Variants in FAF1 observed in about 807,000 individuals in gnomAD.
The protein encoded by FAF1 is FAS-associated factor 1.
In FAF1, 25 loss-of-function variants were observed where a neutral mutation model predicts 92.5. That is an observed-to-expected ratio of 0.27 (90% confidence interval 0.20 to 0.38). The LOEUF (loss-of-function observed/expected upper bound fraction) is 0.38. Among genes scored for constraint, FAF1 ranks in the 10% least tolerant of loss-of-function variants. The pLI, the probability that FAF1 is intolerant of heterozygous loss-of-function variation, is 1.00. For synonymous variants in FAF1, 234 were observed against 273.2 expected, an observed-to-expected ratio of 0.86 and a Z score of 1.42; for missense variants, 636 against 793.3, an observed-to-expected ratio of 0.80 and a Z score of 2.38.
chr1:50,627,246 A>C (rs982589655), intron 8 of FAF1, among the ~76,000 whole-genome samples: 6 of 152,166 alleles, frequency 3.9e-5, no homozygotes, highest in Non-Finnish European at 7.4e-5. Context: ...AGACATGAGT[A>C]CATGGAACTG....
chr1:50,893,178 G>C (rs1644732776), intron 1 of FAF1, among the ~76,000 whole-genome samples: 1 of 152,092 alleles, frequency 6.6e-6, no homozygotes, highest in Non-Finnish European at 1.5e-5. Flanking sequence ...CTCCAGGATT[G>C]GTCCCTGGTG....
chr1:50,927,508 C>T (rs1645015540), intron 1 of FAF1, among the ~76,000 whole-genome samples: 1 of 152,096 alleles, frequency 6.6e-6, no homozygotes, highest in Non-Finnish European at 1.5e-5. Context: ...CAAGATGGCA[C>T]TCTGCCTGGG....
intron 18 of FAF1, among the ~76,000 whole-genome samples, chr1:50,468,333 C>G (rs1646525404): frequency 1.3e-5 from 2 of 152,058 alleles, no homozygotes; most frequent in African/African-American, 4.8e-5. Flanking sequence ...TGCTCTGTCT[C>G]CCAGGCTAGA....
intron 1 of FAF1, among the ~76,000 whole-genome samples, chr1:50,861,009 C>T (rs181155720): frequency 5.9e-5 from 9 of 151,952 alleles, no homozygotes; most frequent in Admixed American, 2.6e-4. Context: ...CATTTTCTCA[C>T]TTATAAGTGA....
Position 50,617,062 on chromosome 1 carries a change from T to C in FAF1, c.745-20846A>G, listed in dbSNP as rs184390989. Among the ~76,000 whole-genome samples the C allele has an allele frequency of 2.6e-5, 4 of 152,352 alleles. No homozygotes were observed. The East Asian group carries it at 7.7e-4, about 29-fold the overall frequency. On this transcript the variant is annotated intron_variant, in intron 8 of 18. Coordinates refer to ENST00000396153, the MANE Select transcript of FAF1 (RefSeq NM_007051.3). ...TTCTGGCAGAGTCCTTAGGGTTTTC[T>C]AGGTATAGAATCATATCATCAGCAA...
chr1:50,892,684 T>G (rs1355380450), intron 1 of FAF1, among the ~76,000 whole-genome samples: 4 of 152,246 alleles, frequency 2.6e-5, no homozygotes, highest in Non-Finnish European at 5.9e-5. Context: ...TTGAATCAGC[T>G]TGGTGTTCTA....
At chr1:50,534,480 A>C (rs1199240896) in intron 15 of FAF1, among the ~76,000 whole-genome samples, 1 of 151,982 alleles carries the variant, frequency 6.6e-6, no homozygotes, top group Non-Finnish European at 1.5e-5. Flanking sequence ...ATGGGGTTTC[A>C]CCATGTTGGC....
intron 8 of FAF1, among the ~76,000 whole-genome samples, chr1:50,636,379 C>CTTTTTT (rs1213567555): frequency 2.9e-4 from 23 of 79,884 alleles, no homozygotes; most frequent in Non-Finnish European, 3.4e-4. Flanking sequence ...GGGGCGTGTC[C>CTTTTTT]TTTTTTTTTT....
intron 17 of FAF1, among the ~76,000 whole-genome samples, chr1:50,483,552 G>A (rs957438723): frequency 1.3e-5 from 2 of 152,106 alleles, no homozygotes; most frequent in African/African-American, 2.4e-5. Context: ...AAGAATTCAG[G>A]TTTTATTTTG....
At chr1:50,879,074 C>T (rs957397511) in intron 1 of FAF1, among the ~76,000 whole-genome samples, 7 of 152,040 alleles carry the variant, frequency 4.6e-5, no homozygotes, top group Admixed American at 1.3e-4. Flanking sequence ...GGTGAAACCC[C>T]GTCTCTCCTA....
intron 4 of FAF1, among the ~76,000 whole-genome samples, chr1:50,763,772 A>G (rs936971914): frequency 2.0e-5 from 3 of 152,210 alleles, no homozygotes; most frequent in Non-Finnish European, 4.4e-5. Flanking sequence ...AAGTGAACCA[A>G]TATTTTCCAA....
Position 50,467,477 on chromosome 1 carries a change from C to T in FAF1, c.1869+7987G>A, listed in dbSNP as rs150716305. Among the ~76,000 whole-genome samples the T allele has an allele frequency of 6.6e-3, 1,010 of 152,168 alleles. 14 individuals carry two copies. Among genetic ancestry groups the T allele is most frequent in the African/African-American group, 0.023 (943 of 41,514 alleles). On this transcript the variant is annotated intron_variant, in intron 18 of 18. Coordinates refer to ENST00000396153, the MANE Select transcript of FAF1 (RefSeq NM_007051.3). ...CACAGGCATGTGCCACCATGCCTGG[C>T]TAATTTTTTGTATTTTTAGTAGAGG...
chr1:50,503,681 G>A (rs1237876973), intron 15 of FAF1, among the ~76,000 whole-genome samples: 1 of 151,722 alleles, frequency 6.6e-6, no homozygotes, highest in Non-Finnish European at 1.5e-5. Flanking sequence ...GTATATCCAT[G>A]TGGTGGAATA....
intron 7 of FAF1, among the ~76,000 whole-genome samples, chr1:50,692,425 C>A (rs574948119): frequency 6.1e-4 from 93 of 152,052 alleles, no homozygotes; most frequent in African/African-American, 2.2e-3. Flanking sequence ...ATCCTTTGAC[C>A]AACATCTCCG....
chr1:50,720,960 A>G lies in FAF1; in HGVS notation c.552-15069T>C, dbSNP rs1183745799. Among the ~76,000 whole-genome samples the G allele has an allele frequency of 2.6e-5, 4 of 152,244 alleles. No individual in the cohort carries two copies. The East Asian group carries it at 7.7e-4, about 29-fold the overall frequency. The stretch of plus-strand genomic sequence containing the variant: ...AGCTCAGGATGCCATATAAGTTTCA[A>G]TCATTTGATCATTCTTCGAGTCTCA... On this transcript the variant is annotated intron_variant, in intron 6 of 18. Transcript: ENST00000396153.
intron 18 of FAF1, among the ~76,000 whole-genome samples, chr1:50,448,647 G>A (rs1469024272): frequency 6.6e-6 from 1 of 152,176 alleles, no homozygotes; most frequent in African/African-American, 2.4e-5. Flanking sequence ...CATGGACTGA[G>A]TGGGCAAGTC....
chr1:50,872,286 G>A (rs1644535364), intron 1 of FAF1, among the ~76,000 whole-genome samples: 1 of 152,126 alleles, frequency 6.6e-6, no homozygotes, highest in African/African-American at 2.4e-5. Context: ...ATAATTTTGA[G>A]GGATTCAAGA....
In FAF1 at chr1:50,824,945, T is replaced by G. The variant is rs183310347; in HGVS notation, c.115-23268A>C. Among the ~76,000 whole-genome samples, 3 of 151,484 alleles carry G rather than the reference T, an allele frequency of 2.0e-5. 1 individual carries two copies. The East Asian group carries it at 5.8e-4, about 29-fold the overall frequency. ...AGAATGATGGGAGGGATAGGGGAGG[T>G]TGGGAAGGGTAGGAGAAAGGGGAGA... On this transcript the variant is annotated intron_variant, in intron 2 of 18. Coordinates refer to ENST00000396153, the MANE Select transcript of FAF1 (RefSeq NM_007051.3).
At chr1:50,575,892 G>A (rs1650709450) in intron 12 of FAF1, among the ~76,000 whole-genome samples, 1 of 152,204 alleles carries the variant, frequency 6.6e-6, no homozygotes, top group African/African-American at 2.4e-5. Context: ...AATGAGCAAT[G>A]ATGGCATTTA....
Sources: gnomAD v4.1 joint callset for allele counts (sites outside exome capture counted in the v4.1 genomes callset) on GRCh38, gnomAD v4.1.1 for gene constraint, MANE v1.5 for transcripts, NCBI Gene and HGNC (gene_info 2026-07-23, HGNC 2026-07-21) for gene names.